Variants in RORA observed in about 807,000 individuals in gnomAD.
RORA encodes RAR related orphan receptor A.
A neutral mutation model predicts 69.5 loss-of-function variants in RORA; 7 were observed. The ratio of observed to expected loss-of-function variants is 0.10; its 90% confidence interval spans 0.06 to 0.19. The LOEUF (loss-of-function observed/expected upper bound fraction) is 0.19. RORA is among the 10% of genes least tolerant of loss of function. The pLI is 1.00. For missense variants in RORA, 457 were observed against 663.0 expected (o/e 0.69, Z 3.41); for synonymous variants, 261 against 240.8 (o/e 1.08, Z -0.78).
chr15:60,776,321 C>T (rs12438866), intron 1 of RORA, among the ~76,000 whole-genome samples: 85,220 of 152,020 alleles, frequency 0.56, 24,664 homozygotes, highest in East Asian at 0.7. Flanking sequence ...TCATCTTGGA[C>T]TAGTTTGTCA....
intron 1 of RORA, among the ~76,000 whole-genome samples, chr15:60,776,968 C>T (rs2072176297): frequency 6.6e-6 from 1 of 152,094 alleles, no homozygotes; most frequent in Admixed American, 6.5e-5. Flanking sequence ...ATATATGCTC[C>T]TCCAAGACAT....
At chr15:60,841,390 A>G (rs2073196011) in intron 1 of RORA, among the ~76,000 whole-genome samples, 1 of 152,174 alleles carries the variant, frequency 6.6e-6, no homozygotes, top group African/African-American at 2.4e-5. Context: ...CCATCCAACC[A>G]GCAGCTCGCC....
chr15:60,642,987 CCT>C (rs2069971184), intron 2 of RORA, among the ~76,000 whole-genome samples: 2 of 152,046 alleles, frequency 1.3e-5, no homozygotes, highest in Admixed American at 1.3e-4. Flanking sequence ...CGAAACCCCA[CCT>C]CTTTTAAAAA....
At position 61,058,337 on chromosome 15, in the gene RORA, G is replaced by A. The variant is rs1324411391; in HGVS notation, c.166+170716C>T. 2.0e-5 allele frequency among the ~76,000 whole-genome samples: 3 copies of A among 152,234 alleles called. No homozygotes were observed. In the East Asian group the frequency reaches 5.8e-4, roughly 29 times the overall value. On this transcript the variant is annotated intron_variant, in intron 1 of 10. Coordinates refer to ENST00000335670, the MANE Select transcript of RORA (RefSeq NM_134261.3). The stretch of plus-strand genomic sequence containing the variant: ...GCCACTCTTGGCACCCTTAACCATT[G>A]GATGAGTGAATGTGCAGGCGGTGCC...
chr15:60,843,742 C>T (rs1312353471), intron 1 of RORA, among the ~76,000 whole-genome samples: 1 of 152,180 alleles, frequency 6.6e-6, no homozygotes, highest in African/African-American at 2.4e-5. Flanking sequence ...ACGGCTGGCA[C>T]AGCCCTGTCT....
At chr15:61,032,891 C>T (rs528923076) in intron 1 of RORA, among the ~76,000 whole-genome samples, 1 of 152,112 alleles carries the variant, frequency 6.6e-6, no homozygotes, top group Admixed American at 6.5e-5. Flanking sequence ...ATATTACATG[C>T]GTATACATTT....
At chr15:60,770,507 A>T (rs2072057540) in intron 1 of RORA, among the ~76,000 whole-genome samples, 1 of 152,206 alleles carries the variant, frequency 6.6e-6, no homozygotes, top group South Asian at 2.1e-4. Context: ...TAACCAGGTA[A>T]TTCATGAGTT....
intron 1 of RORA, among the ~76,000 whole-genome samples, chr15:60,717,608 A>G (rs1453798776): frequency 6.6e-6 from 1 of 152,070 alleles, no homozygotes; most frequent in African/African-American, 2.4e-5. Context: ...CTAAATTGGT[A>G]TATTTGGCAT....
chr15:60,688,993 G>T (rs1037587173), intron 1 of RORA, among the ~76,000 whole-genome samples: 1 of 152,150 alleles, frequency 6.6e-6, no homozygotes, highest in African/African-American at 2.4e-5. Context: ...CTTTCATCAG[G>T]ACCTCCTGAT....
intron 1 of RORA, among the ~76,000 whole-genome samples, chr15:60,903,547 C>T (rs934206961): frequency 6.6e-6 from 1 of 152,148 alleles, no homozygotes; most frequent in East Asian, 1.9e-4. Flanking sequence ...GATAGGGTAC[C>T]AATGTTCAAG....
chr15:60,850,326 A>T (rs76645039), intron 1 of RORA, among the ~76,000 whole-genome samples: 2,224 of 152,094 alleles, frequency 0.015, 57 homozygotes, highest in African/African-American at 0.047. Flanking sequence ...CCATGACTCA[A>T]CCCCTCTAAT....
At chr15:61,139,815 A>G (rs1315514423) in intron 1 of RORA, among the ~76,000 whole-genome samples, 1 of 152,246 alleles carries the variant, frequency 6.6e-6, no homozygotes, top group African/African-American at 2.4e-5. Flanking sequence ...AATCACAAGA[A>G]AAAATAAAAA....
chr15:60,499,916 G>A lies in RORA; in HGVS notation c.1383C>T (p.His461=), dbSNP rs1427142666. 5.0e-6 allele frequency: 8 copies of A among 1,609,228 alleles called. No individual in the cohort carries two copies. In the African/African-American group the frequency reaches 9.4e-5, roughly 19 times the overall value. Residue 461 remains histidine, a synonymous_variant, in exon 10 of 11, where the codon CAC becomes CAT. Transcript: ENST00000335670. ...CCTTTGTTAGTATTCCATCTTCTCG[G>A]TGATTCTTCTGTAGGACGTGTTGAA... is the stretch of plus-strand genomic sequence containing the variant. The part of the protein sequence containing the change: ...LALQHVLQKN[H]REDGILTKLI...
intron 2 of RORA, among the ~76,000 whole-genome samples, chr15:60,637,093 C>T (rs1396469194): frequency 2.0e-5 from 3 of 151,992 alleles, no homozygotes; most frequent in Non-Finnish European, 4.4e-5. Context: ...GAATAATCTA[C>T]TGGAAGTAGG....
Position 61,191,480 on chromosome 15 carries a change from ATTTAGATG to A in RORA, c.166+37565_166+37572del, listed in dbSNP as rs985606402. Among the ~76,000 whole-genome samples, 183 of 152,240 alleles carry A rather than the reference ATTTAGATG, an allele frequency of 1.2e-3. 2 individuals are homozygous for A. Among genetic ancestry groups the A allele is most frequent in the Admixed American group, 0.012 (179 of 15,300 alleles). ...CACACAACCAGCCCCTTCCTCATTC[ATTTAGATG>A]TGTCCCAGGACACCACAAGGCTGGC... On this transcript the variant is annotated intron_variant, in intron 1 of 10. Transcript: ENST00000335670.
chr15:61,081,953 A>G (rs1050485895), intron 1 of RORA, among the ~76,000 whole-genome samples: 3 of 152,234 alleles, frequency 2.0e-5, no homozygotes, highest in Non-Finnish European at 4.4e-5. Flanking sequence ...CTAGAATTCT[A>G]GAAAGCTGGG....
chr15:61,034,142 T>C (rs187960123), intron 1 of RORA, among the ~76,000 whole-genome samples: 2 of 152,202 alleles, frequency 1.3e-5, no homozygotes, highest in African/African-American at 4.8e-5. Context: ...CTGTTAAAGT[T>C]CTGTATCATA....
chr15:60,543,776 G>T (rs1022192586), intron 2 of RORA, among the ~76,000 whole-genome samples: 1 of 152,166 alleles, frequency 6.6e-6, no homozygotes, highest in Non-Finnish European at 1.5e-5. Flanking sequence ...TTTTAAGGAT[G>T]ATAGTATTTG....
intron 1 of RORA, among the ~76,000 whole-genome samples, chr15:60,876,320 G>T (rs917068250): frequency 7.3e-5 from 11 of 150,526 alleles, no homozygotes; most frequent in East Asian, 3.9e-4. Context: ...GTGGGGGGGG[G>T]GGGGGGCGGC....
Sources: gnomAD v4.1 joint callset for allele counts (sites outside exome capture counted in the v4.1 genomes callset) on GRCh38, gnomAD v4.1.1 for gene constraint, MANE v1.5 for transcripts, NCBI Gene and HGNC (gene_info 2026-07-23, HGNC 2026-07-21) for gene names.